Variants in NT5E observed in about 807,000 individuals in gnomAD.
NT5E encodes the protein 5'-nucleotidase ecto.
NT5E carries 53 observed loss-of-function variants against 55.1 expected under a neutral mutation model. The ratio of observed to expected loss-of-function variants is 0.96; its 90% confidence interval spans 0.77 to 1.21. The LOEUF is 1.21. Ranked by LOEUF, NT5E falls within the 50% of genes most tolerant of loss-of-function variation. The probability of loss-of-function intolerance (pLI) is 0.00; values close to 1 mark genes in which losing one functional copy is unlikely to be tolerated. For synonymous variants in NT5E, 270 were observed against 278.4 expected, an observed-to-expected ratio of 0.97 and a Z score of 0.30; for missense variants, 683 against 724.3, an observed-to-expected ratio of 0.94 and a Z score of 0.65.
chr6:85,483,647 C>G, intron 3 of NT5E, among the ~76,000 whole-genome samples: 1 of 152,072 alleles, frequency 6.6e-6, no homozygotes, highest in East Asian at 1.9e-4. Flanking sequence ...GCTTGTGAAG[C>G]GTTGGTATTT....
intron 3 of NT5E, among the ~76,000 whole-genome samples, chr6:85,476,441 A>T (rs1386194463): frequency 2.0e-5 from 3 of 152,158 alleles, no homozygotes; most frequent in Non-Finnish European, 4.4e-5. Flanking sequence ...TGCTGGCAGG[A>T]GTAGAACTCT....
chr6:85,463,602 C>T (rs1487874248), intron 1 of NT5E, among the ~76,000 whole-genome samples: 1 of 152,176 alleles, frequency 6.6e-6, no homozygotes, highest in Admixed American at 6.5e-5. Flanking sequence ...TTATGATCCC[C>T]TGTATTTCTC....
intron 4 of NT5E, among the ~76,000 whole-genome samples, chr6:85,485,768 C>T (rs1021878087): frequency 9.2e-5 from 14 of 152,206 alleles, no homozygotes; most frequent in Non-Finnish European, 1.0e-4. Flanking sequence ...TTGGGCAGAG[C>T]GGGGCTCAAG....
intron 1 of NT5E, among the ~76,000 whole-genome samples, chr6:85,458,067 C>T (rs534999606): frequency 4.6e-5 from 7 of 152,270 alleles, no homozygotes; most frequent in Middle Eastern, 3.4e-3. Context: ...AAAAACTTGT[C>T]CCTAAGAAGA....
intron 1 of NT5E, among the ~76,000 whole-genome samples, chr6:85,465,965 G>C (rs1477504067): frequency 6.6e-6 from 1 of 152,226 alleles, no homozygotes; most frequent in African/African-American, 2.4e-5. Flanking sequence ...AACGAAACTG[G>C]ATGTGGTATT....
chr6:85,451,756 A>C (rs1768863532), intron 1 of NT5E, among the ~76,000 whole-genome samples: 1 of 152,250 alleles, frequency 6.6e-6, no homozygotes, highest in Admixed American at 6.5e-5. Context: ...CTTAGAGGTC[A>C]GGAGAGCACA....
At chr6:85,485,998 AG>A (rs1405722683) in intron 4 of NT5E, among the ~76,000 whole-genome samples, 1 of 152,190 alleles carries the variant, frequency 6.6e-6, no homozygotes, top group Non-Finnish European at 1.5e-5. Flanking sequence ...AGCTGGGTCC[AG>A]GGGGGTCACT....
chr6:85,453,632 T>A (rs1768934090), intron 1 of NT5E, among the ~76,000 whole-genome samples: 1 of 152,172 alleles, frequency 6.6e-6, no homozygotes, highest in Non-Finnish European at 1.5e-5. Context: ...AGCAGGTCTC[T>A]AGGGTCCCCT....
chr6:85,462,312 C>G (rs532546010), intron 1 of NT5E, among the ~76,000 whole-genome samples: 1 of 152,282 alleles, frequency 6.6e-6, no homozygotes, highest in South Asian at 2.1e-4. Flanking sequence ...CCACTTCCCT[C>G]AAAATGAAAG....
At chr6:85,463,239 C>T (rs987190253) in intron 1 of NT5E, among the ~76,000 whole-genome samples, 1 of 152,024 alleles carries the variant, frequency 6.6e-6, no homozygotes, top group African/African-American at 2.4e-5. Context: ...CAGAAAAGTG[C>T]ATTTGGTGAA....
chr6:85,462,531 G>C (rs538240817), intron 1 of NT5E, among the ~76,000 whole-genome samples: 2 of 152,250 alleles, frequency 1.3e-5, no homozygotes, highest in East Asian at 3.9e-4. Flanking sequence ...TCTGTCTCTG[G>C]TGTATCAGCT....
rs1236469947 is a variant in NT5E at position 85,487,329 on chromosome 6, T to A, written c.950-6T>A. 6.2e-7 allele frequency: 1 copy of A among 1,612,258 alleles called. No homozygotes were observed. Among genetic ancestry groups the A allele is most frequent in the Non-Finnish European group, 8.5e-7 (1 of 1,178,412 alleles). On this transcript the variant is annotated splice_region_variant and splice_polypyrimidine_tract_variant and intron_variant, in intron 4 of 8. Transcript: ENST00000257770. ...ATTGTAGGGTACCTTCTTTTCTTTC[T>A]TCTAGATCCAAGCATAAAAGCAGAC...
rs750273219 is a variant in NT5E, at chr6:85,490,580, G to T, written c.1283G>T (p.Gly428Val). ...ACATTTGACCTAGTCCAGTTAAAAG[G>T]TTCCACCCTGAAGAAGGCCTTTGAG... ...GGTFDLVQLK[G>V]STLKKAFEHS... The change falls in exon 7 of 9, where the codon GGT becomes GTT. Residue 428 changes from glycine to valine, a missense_variant. Transcript: ENST00000257770. The T allele has an allele frequency of 3.7e-6, 6 of 1,614,078 alleles. No homozygotes were observed. The highest frequency in any genetic ancestry group is 1.6e-4 in the Middle Eastern group (1 of 6,080).
chr6:85,452,766 T>C (rs140028655), intron 1 of NT5E, among the ~76,000 whole-genome samples: 2 of 152,320 alleles, frequency 1.3e-5, no homozygotes, highest in African/African-American at 4.8e-5. Context: ...TTGTTTATAT[T>C]ATACTAACCC....
intron 1 of NT5E, among the ~76,000 whole-genome samples, chr6:85,457,106 G>A (rs1769005670): frequency 6.6e-6 from 1 of 152,156 alleles, no homozygotes; most frequent in Non-Finnish European, 1.5e-5. Context: ...AGAGTCAGCA[G>A]GTTTTAATGC....
At chr6:85,479,116 G>A (rs1769492591) in intron 3 of NT5E, among the ~76,000 whole-genome samples, 1 of 152,018 alleles carries the variant, frequency 6.6e-6, no homozygotes, top group Non-Finnish European at 1.5e-5. Flanking sequence ...TAAAGTCCCT[G>A]TAAACCCTAT....
intron 2 of NT5E, among the ~76,000 whole-genome samples, chr6:85,470,393 A>G (rs1179079998): frequency 6.6e-6 from 1 of 152,202 alleles, no homozygotes; most frequent in Admixed American, 6.5e-5. Context: ...CAACATTTAG[A>G]TGAGGCCCTC....
intron 3 of NT5E, among the ~76,000 whole-genome samples, chr6:85,474,636 C>T (rs1769388475): frequency 6.6e-6 from 1 of 152,106 alleles, no homozygotes; most frequent in Non-Finnish European, 1.5e-5. Flanking sequence ...GTGAACTTAA[C>T]AATTAAAGGT....
At chr6:85,483,477 A>T (rs1769588898) in intron 3 of NT5E, among the ~76,000 whole-genome samples, 1 of 152,242 alleles carries the variant, frequency 6.6e-6, no homozygotes, top group South Asian at 2.1e-4. Flanking sequence ...CCACTGTCAC[A>T]GACAACATCT....
Sources: allele counts gnomAD v4.1 joint callset (sites outside exome capture counted in the v4.1 genomes callset), GRCh38; gene constraint gnomAD v4.1.1; transcripts MANE v1.5; gene names NCBI Gene and HGNC (gene_info 2026-07-23, HGNC 2026-07-21).